PCDHGB4: variants seen among roughly 807,000 people sequenced by gnomAD.
The protein encoded by PCDHGB4 is protocadherin gamma-B4.
In PCDHGB4, 38 loss-of-function variants were observed where a neutral mutation model predicts 60.5. The ratio of observed to expected loss-of-function variants is 0.63; its 90% CI spans 0.48 to 0.82. The LOEUF is 0.82. Among genes scored for constraint, PCDHGB4 ranks in the 40% least tolerant of loss-of-function variants. The pLI is 0.00. For missense variants in PCDHGB4, 1,109 were observed against 1,209.6 expected (o/e 0.92, Z 1.23); for synonymous variants, 456 against 509.7 (o/e 0.89, Z 1.42).
In PCDHGB4 at chr5:141,403,547, G is replaced by A. The variant is rs940508173; in HGVS notation, c.2397+13266G>A. ...AAACCCAGAGCTGGTGCTGGAGCGC[G>A]CCCTGGACAGGGAGGAGGCAACTGC... On this transcript the variant is annotated intron_variant, in intron 1 of 3. Coordinates refer to ENST00000519479, the MANE Select transcript of PCDHGB4 (RefSeq NM_003736.4). 3.4e-5 allele frequency: 55 copies of A among 1,613,888 alleles called. No individual in the cohort carries two copies. The highest frequency in any genetic ancestry group is 4.5e-5 in the Non-Finnish European group (53 of 1,179,904).
At chr5:141,403,131 C>A (rs1377543238) in intron 1 of PCDHGB4, 2 of 1,613,916 alleles carry the variant, frequency 1.2e-6, no homozygotes, top group East Asian at 4.5e-5. Context: ...CGGGAGCTGG[C>A]GGAGCGCCGA....
Position 141,390,000 on chromosome 5 carries a change from A to G in PCDHGB4, c.2116A>G (p.Ile706Val). ...LISVLFLVAM[I>V]LAIALRLRRS... ...CTCAGTGCTCTTCCTCGTGGCCATGATTCTGGCCATTGCCTTGCGCCTGCG... is the reference window on the plus strand; with the variant it reads ...CTCAGTGCTCTTCCTCGTGGCCATGGTTCTGGCCATTGCCTTGCGCCTGCG... Residue 706 changes from isoleucine to valine, a missense_variant, in exon 1 of 4, where the codon ATT becomes GTT. Ile to Val is a conservative substitution (Grantham distance 29). This residue lies in a region of PCDHGB4 where 1,068 missense variants were observed against 1,089.9 expected (regional missense o/e 0.98). Coordinates refer to ENST00000519479, the MANE Select transcript of PCDHGB4 (RefSeq NM_003736.4). 1.2e-6 allele frequency: 2 copies of G among 1,613,856 alleles called. No individual in the cohort carries two copies. Among genetic ancestry groups the G allele is most frequent in the Non-Finnish European group, 1.7e-6 (2 of 1,179,872 alleles).
rs1454395834 is a variant in PCDHGB4, at chr5:141,413,223, G to A, written c.2397+22942G>A. The stretch of plus-strand genomic sequence containing the variant: ...CAAAGGAATCAAAGGATTGCAGCGG[G>A]CTGGTCCTGCTCTGCCTTTTCTTCG... On this transcript the variant is annotated intron_variant, in intron 1 of 3. Transcript: ENST00000519479. 4 of 1,613,694 alleles carry A rather than the reference G, an allele frequency of 2.5e-6. No individual in the cohort carries two copies. In the African/African-American group the frequency reaches 4.0e-5, roughly 16 times the overall value.
Position 141,486,683 on chromosome 5 carries a change from G to C in PCDHGB4, c.2398-8124G>C, listed in dbSNP as rs1207359772. 6.2e-7 allele frequency: 1 copy of C among 1,613,974 alleles called. No individual in the cohort carries two copies. ...GGAGCCCAGGAATCGAGATGTATCA[G>C]CTTCCTCTTTCATCTCTCTGAACCC... On this transcript the variant is annotated intron_variant, in intron 1 of 3. Coordinates refer to ENST00000519479, the MANE Select transcript of PCDHGB4 (RefSeq NM_003736.4). This position sits in a 1 kb window ranked among gnomAD's most constrained non-coding sequence, Gnocchi z 5.0.
At chr5:141,405,440 GAC>G (rs1297950312) in intron 1 of PCDHGB4, 3 of 1,417,402 alleles carry the variant, frequency 2.1e-6, no homozygotes, top group Non-Finnish European at 2.9e-6. Flanking sequence ...TTGTTTTTGA[GAC>G]AGAGTCTTAC....
At chr5:141,452,881 T>A (rs1273440996) in intron 1 of PCDHGB4, among the ~76,000 whole-genome samples, 1 of 152,166 alleles carries the variant, frequency 6.6e-6, no homozygotes, top group African/African-American at 2.4e-5. Context: ...TTTGTAATAA[T>A]TTATTCCACT....
intron 1 of PCDHGB4, chr5:141,419,409 A>G: frequency 6.2e-7 from 1 of 1,613,462 alleles, no homozygotes; most frequent in Non-Finnish European, 8.5e-7. Flanking sequence ...GTGTTCGCGC[A>G]GCGCGCCTTC....
intron 1 of PCDHGB4, chr5:141,395,547 TGTGTGTGTGTGTGTGTGTGTGTGTG>T: frequency 5.8e-6 from 1 of 173,894 alleles, no homozygotes; most frequent in Admixed American, 6.5e-5. Context: ...ATTGTTTGTG[TGTGTGTGTGTGTGTGTGTGTGTGTG>T]TGTGTGTGTG....
intron 2 of PCDHGB4, among the ~76,000 whole-genome samples, chr5:141,504,141 T>C (rs1289360763): frequency 6.6e-6 from 1 of 152,192 alleles, no homozygotes; most frequent in East Asian, 1.9e-4. Flanking sequence ...AACACTCCCC[T>C]GCAAATTGAA....
chr5:141,486,284 C>G lies in PCDHGB4; in HGVS notation c.2398-8523C>G, dbSNP rs1259853159. ...TGCAGAACCTGGCACTGTGGTGGCA[C>G]TTATCAGTGTGCAGGATCCAGACTC... On this transcript the variant is annotated intron_variant, in intron 1 of 3. Transcript: ENST00000519479. This position sits in a 1 kb window ranked among gnomAD's most constrained non-coding sequence, Gnocchi z 5.0. The G allele has an allele frequency of 6.2e-7, 1 of 1,614,050 alleles. No homozygotes were observed. The highest frequency in any genetic ancestry group is 8.5e-7 in the Non-Finnish European group (1 of 1,179,988).
chr5:141,470,379 A>G (rs1210709847), intron 1 of PCDHGB4, among the ~76,000 whole-genome samples: 1 of 152,086 alleles, frequency 6.6e-6, no homozygotes, highest in East Asian at 1.9e-4. Flanking sequence ...TGGAAAGACT[A>G]CTCGATGATA....
At chr5:141,408,816 A>T in intron 1 of PCDHGB4, 1 of 1,613,562 alleles carries the variant, frequency 6.2e-7, no homozygotes, top group East Asian at 2.2e-5. Flanking sequence ...CGGGAAGAAC[A>T]GAGATCTCAT....
At chr5:141,414,221 C>A in intron 1 of PCDHGB4, 1 of 1,613,126 alleles carries the variant, frequency 6.2e-7, no homozygotes, top group Non-Finnish European at 8.5e-7. Flanking sequence ...GACAACAGTC[C>A]AGAGCTGACC....
chr5:141,431,774 G>T lies in PCDHGB4; in HGVS notation c.2397+41493G>T. Reference sequence around the variant, plus strand: ...AGCCAAAGTCCTGATCACTGTTCTGGACGTGAACGACAATGCCCCAGAAGT... The same window carrying T: ...AGCCAAAGTCCTGATCACTGTTCTGTACGTGAACGACAATGCCCCAGAAGT... On this transcript the variant is annotated intron_variant, in intron 1 of 3. Transcript: ENST00000519479. This position sits in a 1 kb window ranked among gnomAD's most constrained non-coding sequence, Gnocchi z 4.8. 5 of 1,614,204 alleles carry T rather than the reference G, an allele frequency of 3.1e-6. No individual in the cohort carries two copies. The highest frequency in any genetic ancestry group is 4.2e-6 in the Non-Finnish European group (5 of 1,180,038).
intron 1 of PCDHGB4, chr5:141,398,612 T>C (rs756084003): frequency 2.5e-6 from 4 of 1,614,024 alleles, no homozygotes; most frequent in East Asian, 2.2e-5. Flanking sequence ...GATGCAGATA[T>C]TGGCTTAAAC....
At chr5:141,427,683 G>C in intron 1 of PCDHGB4, 1 of 836,052 alleles carries the variant, frequency 1.2e-6, no homozygotes. Flanking sequence ...CCTTCCCGGA[G>C]CCTCCATCCC....
chr5:141,511,049 G>A lies in PCDHGB4; in HGVS notation c.2648G>A (p.Arg883His), dbSNP rs61749029. 408 of 1,614,098 alleles carry A rather than the reference G, an allele frequency of 2.5e-4. No individual in the cohort carries two copies. Among genetic ancestry groups the A allele is most frequent in the South Asian group, 7.2e-4 (66 of 91,094 alleles). Residue 883 changes from arginine (R) to histidine (H), a missense_variant, in exon 4 of 4, where the codon CGC becomes CAC. Around this residue, in one of 2 missense-constraint regions of PCDHGB4, gnomAD observed 1,068 missense variants for 1,089.9 expected, o/e 0.98. Transcript: ENST00000519479. ...QFTLQHVPDY[R>H]QNVYIPGSNA... ...ACCCTGCAGCACGTGCCCGACTACC[G>A]CCAGAATGTCTACATCCCAGGCAGC...
rs746318177 is a variant in PCDHGB4 at position 141,431,715 on chromosome 5, T to G, written c.2397+41434T>G. On this transcript the variant is annotated intron_variant, in intron 1 of 3. Coordinates refer to ENST00000519479, the MANE Select transcript of PCDHGB4 (RefSeq NM_003736.4). The surrounding 1 kb of genome is among the most constrained non-coding windows in gnomAD (Gnocchi z 4.8). Reference sequence around the variant, plus strand: ...GAGTCAGGATTCTACCAGATGGAAGTGCAAGCAATGGATAATGCAGGATAT... The same window carrying G: ...GAGTCAGGATTCTACCAGATGGAAGGGCAAGCAATGGATAATGCAGGATAT... 5.6e-6 allele frequency: 9 copies of G among 1,614,178 alleles called. No homozygotes were observed. The highest frequency in any genetic ancestry group is 6.8e-6 in the Non-Finnish European group (8 of 1,180,042).
intron 1 of PCDHGB4, among the ~76,000 whole-genome samples, chr5:141,464,077 C>T (rs891173261): frequency 1.3e-5 from 2 of 151,950 alleles, no homozygotes; most frequent in African/African-American, 4.8e-5. Context: ...CCAGCCTGGC[C>T]AACATGGTGA....
Sources: allele counts gnomAD v4.1 joint callset (sites outside exome capture counted in the v4.1 genomes callset), GRCh38; gene constraint gnomAD v4.1.1; regional missense constraint gnomAD v4.1.1; non-coding constraint Gnocchi (gnomAD v3.1); transcripts MANE v1.5; gene names NCBI Gene and HGNC (gene_info 2026-07-23, HGNC 2026-07-21).